Variants in LRP6 observed in about 807,000 individuals in gnomAD.
The protein encoded by LRP6 is low-density lipoprotein receptor-related protein 6.
A neutral mutation model predicts 184.1 loss-of-function variants in LRP6; 43 were observed. That is an observed-to-expected ratio of 0.23 (90% CI 0.18 to 0.30). The LOEUF (loss-of-function observed/expected upper bound fraction) is 0.30. LRP6 is among the 10% of genes least tolerant of loss of function. LRP6 has a pLI of 1.00. For synonymous variants in LRP6, 719 were observed against 684.9 expected, an observed-to-expected ratio of 1.05 and a Z score of -0.78; for missense variants, 1,571 against 2,005.3, an observed-to-expected ratio of 0.78 and a Z score of 4.14.
chr12:12,203,039 A>C (rs1863957108), intron 3 of LRP6, among the ~76,000 whole-genome samples, 164 bp downstream of exon 3: 1 of 152,234 alleles, frequency 6.6e-6, no homozygotes, highest in Admixed American at 6.5e-5. Flanking sequence ...TGATAAATGT[A>C]ATTACTTTTA....
chr12:12,251,696 T>C (rs1006880561), intron 1 of LRP6, among the ~76,000 whole-genome samples: 1 of 152,134 alleles, frequency 6.6e-6, no homozygotes, highest in Non-Finnish European at 1.5e-5. Flanking sequence ...AAAGAAGTTA[T>C]TAAAGGTTTT....
chr12:12,231,777 G>A (rs556973320), intron 2 of LRP6, among the ~76,000 whole-genome samples: 6 of 151,974 alleles, frequency 3.9e-5, no homozygotes, highest in Admixed American at 1.3e-4. Context: ...CACTTTGGGA[G>A]GCTGAGATGG....
intron 19 of LRP6, 147 bp downstream of exon 19, chr12:12,130,636 C>A: frequency 1.6e-6 from 1 of 625,192 alleles, no homozygotes; most frequent in Non-Finnish European, 2.8e-6. Flanking sequence ...GAAAGCAAAA[C>A]ATAAAAAAAC....
At chr12:12,148,018 G>GTA (rs35731960) in intron 14 of LRP6, among the ~76,000 whole-genome samples, 35 of 148,610 alleles carry the variant, frequency 2.4e-4, no homozygotes, top group Admixed American at 6.1e-4. Context: ...ATATATATGT[G>GTA]TATATATATA....
At chr12:12,247,325 A>C (rs1254016848) in intron 1 of LRP6, among the ~76,000 whole-genome samples, 3 of 152,134 alleles carry the variant, frequency 2.0e-5, no homozygotes, top group Non-Finnish European at 4.4e-5. Context: ...AACTATATCA[A>C]AGCTATAGGA....
intron 14 of LRP6, 73 bp downstream of exon 14, chr12:12,148,869 A>T: frequency 1.9e-6 from 2 of 1,079,852 alleles, no homozygotes; most frequent in Non-Finnish European, 2.9e-6. Context: ...AGGTAAATAA[A>T]TAACAGGCTG....
rs145002192 is a variant in LRP6 at position 12,227,238 on chromosome 12, A to C, written c.449+17024T>G. 1.2e-3 allele frequency among the ~76,000 whole-genome samples: 179 copies of C among 152,322 alleles called. 1 individual carries two copies. Among genetic ancestry groups the C allele is most frequent in the African/African-American group, 4.0e-3 (166 of 41,578 alleles). ...GTGAAGGAGAACTAAAGACTTTCTC[A>C]AGACCAACAAAAATTGAGGGATTTG... On this transcript the variant is annotated intron_variant, in intron 2 of 22. Coordinates refer to ENST00000261349, the MANE Select transcript of LRP6 (RefSeq NM_002336.3).
intron 1 of LRP6, among the ~76,000 whole-genome samples, chr12:12,255,142 A>G (rs1237337259): frequency 6.6e-6 from 1 of 152,188 alleles, no homozygotes; most frequent in African/African-American, 2.4e-5. Flanking sequence ...GAGACTGACC[A>G]GTGCACATCA....
At chr12:12,125,472 T>A (rs1265677074) in intron 20 of LRP6, 40 bp from the exon 21 acceptor site, 2 of 1,572,082 alleles carry the variant, frequency 1.3e-6, no homozygotes, top group Non-Finnish European at 8.7e-7. Flanking sequence ...ATGAGTATGA[T>A]ATATAAAAAT....
chr12:12,135,177 C>G lies in LRP6; in HGVS notation c.3731G>C (p.Gly1244Ala). ...CAAGAAAATTACAACATATTTACCT[C>G]CACATGATAGCTCATCTTGAAGTAG... ...LVLLQDELSC[G>A]EPPTCSPQQF... The change falls in exon 17 of 23, where the codon GGA becomes GCA. Residue 1244 changes from glycine to alanine, a missense_variant and splice_region_variant. By Grantham distance (60) the Gly-to-Ala change is moderately conservative (BLOSUM62 0). This residue lies in a region of LRP6 where 763 missense variants were observed against 859.5 expected (regional missense o/e 0.89). Transcript: ENST00000261349. 1 of 1,613,872 alleles carries G rather than the reference C, an allele frequency of 6.2e-7. No homozygotes were observed. The highest frequency in any genetic ancestry group is 8.5e-7 in the Non-Finnish European group (1 of 1,179,822).
rs940500460 is a variant in LRP6 at position 12,118,580 on chromosome 12, A to C, written c.*2546T>G. 2.6e-5 allele frequency: 4 copies of C among 152,100 alleles called. No individual in the cohort carries two copies. The highest frequency in any genetic ancestry group is 9.7e-5 in the African/African-American group (4 of 41,406). 9.4% of individuals were successfully genotyped at this position (152,100 alleles called of 1,614,324 possible). A position where few individuals can be genotyped will look rare whatever the true frequency, so the allele number is the denominator to read the frequency against. ...TTGTGATCTCATGCTTTTCCTCTCA[A>C]CTTTTCCAATTACAGCTTGTGTTTG... On this transcript the variant is annotated 3_prime_UTR_variant, in exon 23 of 23. Coordinates refer to ENST00000261349, the MANE Select transcript of LRP6 (RefSeq NM_002336.3).
chr12:12,148,583 T>C (rs1196768598), intron 14 of LRP6, among the ~76,000 whole-genome samples: 2 of 152,232 alleles, frequency 1.3e-5, no homozygotes, highest in East Asian at 3.9e-4. Flanking sequence ...GGACTAAGTA[T>C]AACTTAGAGA....
chr12:12,266,097 T>C (rs527359861), intron 1 of LRP6, among the ~76,000 whole-genome samples: 126 of 152,300 alleles, frequency 8.3e-4, no homozygotes, highest in African/African-American at 2.7e-3. Flanking sequence ...CTCCCAATGC[T>C]GAAACGCTCG....
chr12:12,246,793 G>A (rs1237144938), intron 1 of LRP6, among the ~76,000 whole-genome samples: 2 of 152,022 alleles, frequency 1.3e-5, no homozygotes, highest in Non-Finnish European at 2.9e-5. Flanking sequence ...TAGAAGTAAC[G>A]ATTCCCCTTT....
intron 2 of LRP6, among the ~76,000 whole-genome samples, chr12:12,237,720 G>C (rs1378518594): frequency 6.6e-6 from 1 of 152,162 alleles, no homozygotes; most frequent in Admixed American, 6.5e-5. Context: ...CCAAACTGAG[G>C]AACGTTCTAC....
At chr12:12,204,365 G>A (rs1371611896) in intron 2 of LRP6, among the ~76,000 whole-genome samples, 1 of 151,426 alleles carries the variant, frequency 6.6e-6, no homozygotes, top group African/African-American at 2.4e-5. Flanking sequence ...TACATCAAGT[G>A]TATGATCTTG....
intron 2 of LRP6, 75 bp from the exon 3 acceptor site, chr12:12,203,475 A>T: frequency 7.8e-7 from 1 of 1,277,010 alleles, no homozygotes. Flanking sequence ...TTACTATTAA[A>T]GAAAGCTCAG....
At chr12:12,126,306 T>C (rs1416870936) in intron 20 of LRP6, among the ~76,000 whole-genome samples, 1 of 152,206 alleles carries the variant, frequency 6.6e-6, no homozygotes, top group African/African-American at 2.4e-5. Flanking sequence ...GGGAATCTTA[T>C]ATAATTTTTG....
intron 2 of LRP6, among the ~76,000 whole-genome samples, chr12:12,204,207 G>A (rs1277356461): frequency 1.4e-5 from 2 of 147,688 alleles, no homozygotes; most frequent in Non-Finnish European, 3.0e-5. Context: ...AAAATTATGA[G>A]GAAACAGTGT....
Sources: gnomAD v4.1 joint callset for allele counts (sites outside exome capture counted in the v4.1 genomes callset) on GRCh38, gnomAD v4.1.1 for gene constraint, gnomAD v4.1.1 regional missense constraint, MANE v1.5 for transcripts, NCBI Gene and HGNC (gene_info 2026-07-23, HGNC 2026-07-21) for gene names.